The following RBM20 variants were observed in gnomAD, a reference collection of about 807,000 sequenced individuals.
The protein encoded by RBM20 is RNA-binding protein 20.
Under a neutral mutation model 110.1 loss-of-function variants are expected in RBM20, and 51 were observed. That is an observed-to-expected ratio of 0.46 (90% CI 0.37 to 0.59). RBM20 has a LOEUF of 0.59. RBM20 is among the 20% of genes least tolerant of loss of function. The pLI is 0.00. For missense variants in RBM20, 1,512 were observed against 1,574.9 expected (o/e 0.96, Z 0.68); for synonymous variants, 589 against 618.2 (o/e 0.95, Z 0.70).
intron 5 of RBM20, among the ~76,000 whole-genome samples, chr10:110,793,278 G>A (rs942611677): frequency 3.3e-5 from 5 of 152,094 alleles, no homozygotes; most frequent in Middle Eastern, 3.4e-3. Context: ...AGCTCAAGTC[G>A]CCTTTCATTA....
At chr10:110,747,670 A>G (rs1181862452) in intron 1 of RBM20, among the ~76,000 whole-genome samples, 1 of 152,228 alleles carries the variant, frequency 6.6e-6, no homozygotes, top group African/African-American at 2.4e-5. Context: ...TGGGACCAAA[A>G]GTAAGTGATG....
chr10:110,699,760 G>GT (rs1428770407), intron 1 of RBM20, among the ~76,000 whole-genome samples: 1 of 151,836 alleles, frequency 6.6e-6, no homozygotes, highest in Non-Finnish European at 1.5e-5. Context: ...TATATACTAT[G>GT]TTTTTTTCCT....
chr10:110,813,039 A>C (rs1055695038), intron 9 of RBM20, 92 bp downstream of exon 9: 1 of 921,946 alleles, frequency 1.1e-6, no homozygotes, highest in Non-Finnish European at 1.6e-6. Flanking sequence ...TTATTGAATG[A>C]ATGAACATTT....
intron 1 of RBM20, among the ~76,000 whole-genome samples, chr10:110,676,130 T>A (rs570769022): frequency 6.6e-6 from 1 of 152,368 alleles, no homozygotes; most frequent in Admixed American, 6.5e-5. Context: ...CTCCAAGAAC[T>A]GACTGCATTT....
chr10:110,777,262 A>G (rs1312635328), intron 1 of RBM20, among the ~76,000 whole-genome samples: 1 of 152,234 alleles, frequency 6.6e-6, no homozygotes, highest in Admixed American at 6.5e-5. Flanking sequence ...TAAAAGTGAC[A>G]AACTAAGGAG....
At chr10:110,759,276 C>G (rs765266370) in intron 1 of RBM20, among the ~76,000 whole-genome samples, 13 of 152,154 alleles carry the variant, frequency 8.5e-5, no homozygotes, top group Non-Finnish European at 1.6e-4. Flanking sequence ...ATTCCACATA[C>G]AACTCCTCCA....
intron 1 of RBM20, among the ~76,000 whole-genome samples, chr10:110,672,311 C>G (rs910309909): frequency 7.9e-5 from 12 of 152,210 alleles, no homozygotes; most frequent in African/African-American, 2.9e-4. Context: ...CTTTCCCCTT[C>G]TTAATCCGCT....
chr10:110,680,622 C>G (rs765947145), intron 1 of RBM20, among the ~76,000 whole-genome samples: 1 of 152,156 alleles, frequency 6.6e-6, no homozygotes, highest in Admixed American at 6.5e-5. Context: ...GGCTAACTAG[C>G]GTGGGCTGTG....
chr10:110,755,175 A>G (rs1253575038), intron 1 of RBM20, among the ~76,000 whole-genome samples: 1 of 152,038 alleles, frequency 6.6e-6, no homozygotes, highest in Non-Finnish European at 1.5e-5. Context: ...GAAGTGACAT[A>G]TTACTCCTGG....
chr10:110,655,787 G>T (rs564928643), intron 1 of RBM20, among the ~76,000 whole-genome samples: 1 of 152,252 alleles, frequency 6.6e-6, no homozygotes, highest in East Asian at 1.9e-4. Context: ...TTTGATCTGC[G>T]ACAGGGTTTA....
chr10:110,766,342 TTA>T (rs1491007323), intron 1 of RBM20, among the ~76,000 whole-genome samples: 3 of 151,130 alleles, frequency 2.0e-5, no homozygotes, highest in African/African-American at 7.4e-5. Flanking sequence ...GTTTTTTGTT[TTA>T]ATTGATCATT....
intron 9 of RBM20, among the ~76,000 whole-genome samples, chr10:110,818,301 A>AC (rs1423542081): frequency 1.1e-4 from 17 of 151,280 alleles, no homozygotes; most frequent in Admixed American, 1.1e-3. Flanking sequence ...CAAAAAAAAA[A>AC]AAAAAACCAA....
intron 8 of RBM20, 48 bp from the exon 9 acceptor site, chr10:110,812,230 G>A: frequency 6.9e-7 from 1 of 1,456,218 alleles, no homozygotes; most frequent in Non-Finnish European, 9.2e-7. Context: ...GGTGGGGTGG[G>A]ATGGGAGGTG....
At chr10:110,810,581 A>G (rs1009792605) in intron 8 of RBM20, 119 bp downstream of exon 8, 7 of 638,252 alleles carry the variant, frequency 1.1e-5, no homozygotes, top group African/African-American at 5.5e-5. Flanking sequence ...TACCCCATCC[A>G]TCTGCTTTTC....
In RBM20 at chr10:110,812,598, G is replaced by A. The variant is rs372923744; in HGVS notation, c.2201G>A (p.Arg734Gln). Residue 734 changes from arginine to glutamine, a missense_variant, in exon 9 of 14, where the codon CGG (arginine) becomes CAG (glutamine). Arg to Gln is a conservative substitution (Grantham distance 43). Around this residue, in one of 3 missense-constraint regions of RBM20, gnomAD observed 1,149 missense variants for 1,169.4 expected, o/e 0.98. Transcript: ENST00000369519. ...CGACCAGAAGGAGGGAGGCCCCACC[G>A]GGAGAAGTACCCGAGATCTGGGTCT... is the stretch of plus-strand genomic sequence containing the variant. Reference protein sequence around the residue: ...DERPEGGRPHREKYPRSGSPN... With the variant: ...DERPEGGRPHQEKYPRSGSPN... The A allele has an allele frequency of 6.2e-5, 96 of 1,551,572 alleles. No homozygotes were observed. In the African/African-American group the frequency reaches 9.9e-4, roughly 16 times the overall value.
chr10:110,784,266 T>C, intron 3 of RBM20, 75 bp from the exon 4 acceptor site: 1 of 1,118,410 alleles, frequency 8.9e-7, no homozygotes, highest in Non-Finnish European at 1.3e-6. Flanking sequence ...CACCTACGAG[T>C]GGAATTTCTG....
chr10:110,765,866 CAG>C (rs1489082621), intron 1 of RBM20, among the ~76,000 whole-genome samples: 2 of 152,012 alleles, frequency 1.3e-5, no homozygotes, highest in African/African-American at 4.8e-5. Flanking sequence ...TCTGAGATGT[CAG>C]AAAACTGAAG....
At chr10:110,703,037 C>A (rs1590626474) in intron 1 of RBM20, among the ~76,000 whole-genome samples, 1 of 131,622 alleles carries the variant, frequency 7.6e-6, no homozygotes, top group East Asian at 2.4e-4. Flanking sequence ...ACCTTTCTAA[C>A]TGAAATTTTT....
intron 1 of RBM20, among the ~76,000 whole-genome samples, chr10:110,663,796 G>A (rs190082640): frequency 3.8e-4 from 58 of 152,208 alleles, no homozygotes; most frequent in African/African-American, 8.7e-4. Flanking sequence ...ATATCTTACC[G>A]TCAACGTGAA....
Sources: gnomAD v4.1 joint callset for allele counts (sites outside exome capture counted in the v4.1 genomes callset) on GRCh38, gnomAD v4.1.1 for gene constraint, gnomAD v4.1.1 regional missense constraint, MANE v1.5 for transcripts, NCBI Gene and HGNC (gene_info 2026-07-23, HGNC 2026-07-21) for gene names.